Variants in TRAPPC8 observed in about 807,000 individuals in gnomAD.
The protein encoded by TRAPPC8 is trafficking protein particle complex subunit 8.
A neutral mutation model predicts 174.3 loss-of-function variants in TRAPPC8; 54 were observed. The ratio of observed to expected loss-of-function variants is 0.31; its 90% CI spans 0.25 to 0.39. The LOEUF (loss-of-function observed/expected upper bound fraction) is 0.39, where lower values mean the gene tolerates loss of function less well. Ranked by LOEUF, TRAPPC8 falls within the 10% of genes least tolerant of loss-of-function variation. The pLI is 1.00. For missense variants in TRAPPC8, 1,531 were observed against 1,699.1 expected (o/e 0.90, Z 1.74); for synonymous variants, 630 against 579.9 (o/e 1.09, Z -1.24).
rs977923074 is a variant in TRAPPC8, at chr18:31,857,823, G to A, written c.2905C>T (p.Pro969Ser). The A allele has an allele frequency of 6.2e-7, 1 of 1,614,160 alleles. No individual in the cohort carries two copies. The highest frequency in any genetic ancestry group is 1.3e-5 in the African/African-American group (1 of 75,038). ...TTCTCAGAAGCTGAGGGACTTAGTG[G>A]TGTTAGAACAGCAGTATTACCACCG... Reference protein sequence around the residue: ...TFGGNTAVLTPLSPSASENCS... With the variant: ...TFGGNTAVLTSLSPSASENCS... Residue 969 changes from proline to serine, a missense_variant, in exon 20 of 29, where the codon CCA (proline) becomes TCA (serine). Pro to Ser is a moderately conservative substitution (Grantham distance 74, BLOSUM62 -1). Coordinates refer to ENST00000283351, the MANE Select transcript of TRAPPC8 (RefSeq NM_014939.5).
At chr18:31,836,055 T>C (rs1330532031) in intron 27 of TRAPPC8, among the ~76,000 whole-genome samples, 1 of 152,238 alleles carries the variant, frequency 6.6e-6, no homozygotes, top group Non-Finnish European at 1.5e-5. Context: ...TGCTTTGTTA[T>C]AAGCTACTCA....
chr18:31,855,641 C>G lies in TRAPPC8; in HGVS notation c.3336+19G>C. ...TTCAAATATAATTAAAAACAAAATT[C>G]AGTTTTAAACCAACTTACAGTATTG... is the stretch of plus-strand genomic sequence containing the variant. On this transcript the variant is annotated intron_variant, in intron 21 of 28. Coordinates refer to ENST00000283351, the MANE Select transcript of TRAPPC8 (RefSeq NM_014939.5). The G allele has an allele frequency of 6.4e-7, 1 of 1,573,552 alleles. No homozygotes were observed. The highest frequency in any genetic ancestry group is 1.2e-5 in the South Asian group (1 of 84,162).
intron 19 of TRAPPC8, among the ~76,000 whole-genome samples, chr18:31,863,788 T>TA (rs1443799945): frequency 6.6e-6 from 1 of 151,992 alleles, no homozygotes; most frequent in African/African-American, 2.4e-5. Context: ...TCCTCAGGTA[T>TA]AAGCCTGATC....
At chr18:31,840,528 A>C (rs748847367) in intron 26 of TRAPPC8, among the ~76,000 whole-genome samples, 2 of 151,898 alleles carry the variant, frequency 1.3e-5, no homozygotes, top group Non-Finnish European at 2.9e-5. Context: ...TTGATTTATA[A>C]TTTTCTGATA....
chr18:31,859,260 G>A (rs955130022), intron 19 of TRAPPC8, among the ~76,000 whole-genome samples: 12 of 152,254 alleles, frequency 7.9e-5, no homozygotes, highest in African/African-American at 2.9e-4. Flanking sequence ...GAATCTAAAT[G>A]TGAGTGGGAC....
chr18:31,890,626 T>C, intron 12 of TRAPPC8, 109 bp downstream of exon 12: 1 of 1,321,894 alleles, frequency 7.6e-7, no homozygotes, highest in Non-Finnish European at 1.0e-6. Flanking sequence ...ATACATTACC[T>C]CAGAACAAAA....
chr18:31,939,388 A>G (rs565536638), intron 1 of TRAPPC8: 1 of 152,342 alleles, frequency 6.6e-6, no homozygotes, highest in African/African-American at 2.4e-5. Context: ...CACATTTACC[A>G]TTAGACATAA....
At chr18:31,868,926 C>T (rs191771468) in intron 16 of TRAPPC8, among the ~76,000 whole-genome samples, 2 of 151,466 alleles carry the variant, frequency 1.3e-5, no homozygotes, top group Admixed American at 6.6e-5. Flanking sequence ...TAGAGCAAGA[C>T]TTAAAATAAG....
intron 19 of TRAPPC8, among the ~76,000 whole-genome samples, chr18:31,859,633 A>G (rs1666189379): frequency 6.6e-6 from 1 of 152,250 alleles, no homozygotes; most frequent in Non-Finnish European, 1.5e-5. Context: ...AAATGGTAAC[A>G]GTGATAGAAC....
rs1187921305 is a variant in TRAPPC8 at position 31,870,303 on chromosome 18, T to G, written c.2388+69A>C. 3.5e-6 allele frequency: 5 copies of G among 1,438,450 alleles called. No individual in the cohort carries two copies. In the African/African-American group the frequency reaches 7.1e-5, roughly 21 times the overall value. The allele number at this position is 1,438,450 out of a possible 1,614,324, so 89.1% of individuals were successfully genotyped here. Reference sequence around the variant, plus strand: ...GTATAGCTCACTGAACAGAGTACATTGAAATGTTACTACAGCATTTGTTAG... The same window carrying G: ...GTATAGCTCACTGAACAGAGTACATGGAAATGTTACTACAGCATTTGTTAG... On this transcript the variant is annotated intron_variant, in intron 16 of 28. Transcript: ENST00000283351.
chr18:31,872,236 T>A (rs1014235888), intron 14 of TRAPPC8, among the ~76,000 whole-genome samples: 5 of 152,184 alleles, frequency 3.3e-5, no homozygotes, highest in Non-Finnish European at 7.3e-5. Context: ...TAATGTAAGA[T>A]AATGAAGAGC....
At chr18:31,936,001 T>A (rs1156370600) in intron 1 of TRAPPC8, among the ~76,000 whole-genome samples, 1 of 150,778 alleles carries the variant, frequency 6.6e-6, no homozygotes, top group African/African-American at 2.4e-5. Flanking sequence ...CCTCCCAAAG[T>A]GCTGGGATTA....
At chr18:31,834,639 G>A (rs1229317188) in intron 27 of TRAPPC8, among the ~76,000 whole-genome samples, 1 of 152,206 alleles carries the variant, frequency 6.6e-6, no homozygotes, top group Non-Finnish European at 1.5e-5. Flanking sequence ...TTGTGATTAG[G>A]TAAAACATGT....
intron 9 of TRAPPC8, among the ~76,000 whole-genome samples, chr18:31,905,029 CAAAA>C (rs59488247): frequency 8.9e-6 from 1 of 112,472 alleles, no homozygotes; most frequent in African/African-American, 3.5e-5. Flanking sequence ...GATTCCATCT[CAAAA>C]AAAAAAAAAA....
At chr18:31,881,297 T>C (rs986981366) in intron 12 of TRAPPC8, among the ~76,000 whole-genome samples, 1 of 151,846 alleles carries the variant, frequency 6.6e-6, no homozygotes, top group Non-Finnish European at 1.5e-5. Context: ...AATAGACACA[T>C]GAACAATGGA....
At chr18:31,833,714 C>T (rs961967037) in intron 27 of TRAPPC8, among the ~76,000 whole-genome samples, 1 of 152,116 alleles carries the variant, frequency 6.6e-6, no homozygotes, top group Non-Finnish European at 1.5e-5. Context: ...CCAAACATTG[C>T]ATTCCTAGGC....
chr18:31,911,882 A>AG (rs1218443337), intron 5 of TRAPPC8, among the ~76,000 whole-genome samples: 1 of 151,682 alleles, frequency 6.6e-6, no homozygotes, highest in Non-Finnish European at 1.5e-5. Context: ...AAAAAAAAAA[A>AG]AAAAAAAAAT....
At chr18:31,941,397 C>G (rs1210363782) in intron 1 of TRAPPC8, among the ~76,000 whole-genome samples, 1 of 152,030 alleles carries the variant, frequency 6.6e-6, no homozygotes, top group Non-Finnish European at 1.5e-5. Flanking sequence ...GGGCTGAGAT[C>G]GCGCCACTGC....
Position 31,908,972 on chromosome 18 carries a change from A to T in TRAPPC8, c.904T>A (p.Leu302Met), listed in dbSNP as rs370086854. 1 of 1,612,248 alleles carries T rather than the reference A, an allele frequency of 6.2e-7. No homozygotes were observed. Among genetic ancestry groups the T allele is most frequent in the African/African-American group, 1.3e-5 (1 of 75,012 alleles). ...TTAGAAGGGTCACTGGATTGCTCCAACTGAAGTGGGTGAGCTCTAAAGTTA... is the reference window on the plus strand; with the variant it reads ...TTAGAAGGGTCACTGGATTGCTCCATCTGAAGTGGGTGAGCTCTAAAGTTA... Reference protein sequence around the residue: ...PNNFRAHPLQLEQSSDPSNSI... With the variant: ...PNNFRAHPLQMEQSSDPSNSI... The change falls in exon 7 of 29, where the codon TTG becomes ATG. Residue 302 changes from leucine (L) to methionine (M), a missense_variant. By Grantham distance (15) the Leu-to-Met change is conservative. Transcript: ENST00000283351.
Sources: gnomAD v4.1 joint callset for allele counts (sites outside exome capture counted in the v4.1 genomes callset) on GRCh38, gnomAD v4.1.1 for gene constraint, MANE v1.5 for transcripts, NCBI Gene and HGNC (gene_info 2026-07-23, HGNC 2026-07-21) for gene names.